Variants in CNBD1 observed in about 807,000 individuals in gnomAD.
CNBD1 encodes cyclic nucleotide-binding domain-containing protein 1.
In CNBD1, 71 loss-of-function variants were observed where a neutral mutation model predicts 54.4. The observed-to-expected ratio is 1.30, with a 90% CI of 1.08 to 1.59. The LOEUF (loss-of-function observed/expected upper bound fraction) is 1.59. Among genes scored for constraint, CNBD1 ranks in the 40% most tolerant of loss-of-function variants. The probability of loss-of-function intolerance (pLI) is 0.00; values close to 1 mark genes in which losing one functional copy is unlikely to be tolerated. For missense variants in CNBD1, 659 were observed against 518.0 expected (o/e 1.27, Z -2.64); for synonymous variants, 182 against 170.7 (o/e 1.07, Z -0.51).
intron 4 of CNBD1, among the ~76,000 whole-genome samples, chr8:87,054,463 ATCTCCCTG>A (rs1005764491): frequency 2.2e-4 from 33 of 152,218 alleles, no homozygotes; most frequent in African/African-American, 8.0e-4. Context: ...AAGTCTTGGA[ATCTCCCTG>A]TTTCAAGAAA....
At chr8:87,256,835 T>C (rs1808034367) in intron 6 of CNBD1, among the ~76,000 whole-genome samples, 1 of 151,470 alleles carries the variant, frequency 6.6e-6, no homozygotes, top group Non-Finnish European at 1.5e-5. Context: ...AGTTGTGAGA[T>C]TATGAATCCA....
At chr8:87,307,762 A>G (rs138696524) in intron 8 of CNBD1, among the ~76,000 whole-genome samples, 1,806 of 149,482 alleles carry the variant, frequency 0.012, 77 homozygotes, top group African/African-American at 0.04. Flanking sequence ...ATATATATAT[A>G]TATAACTTAG....
chr8:87,041,400 C>T (rs897679453), intron 4 of CNBD1, among the ~76,000 whole-genome samples: 6 of 152,044 alleles, frequency 3.9e-5, no homozygotes, highest in Admixed American at 3.9e-4. Flanking sequence ...GTTATTTGCA[C>T]AAAAGCAACC....
At chr8:87,381,167 A>G (rs1394679292) in intron 10 of CNBD1, among the ~76,000 whole-genome samples, 1 of 152,068 alleles carries the variant, frequency 6.6e-6, no homozygotes, top group Non-Finnish European at 1.5e-5. Flanking sequence ...AAAATATATA[A>G]GACAATATTC....
chr8:87,395,081 A>G lies in CNBD1; in HGVS notation c.214-33465A>G, dbSNP rs185988385. Among the ~76,000 whole-genome samples, 590 of 152,072 alleles carry G rather than the reference A, an allele frequency of 3.9e-3. 8 individuals carry two copies. Among genetic ancestry groups the G allele is most frequent in the African/African-American group, 0.013 (558 of 41,554 alleles). On this transcript the variant is annotated intron_variant, in intron 2 of 7. Transcript: ENST00000521593. ...TTTTTTTTACTCAAAATACAATAAC[A>G]TAAAGTTAAATGTATGCTTTGAACT... is the stretch of plus-strand genomic sequence containing the variant.
intron 2 of CNBD1, among the ~76,000 whole-genome samples, chr8:87,419,842 G>T (rs1807898395): frequency 6.6e-6 from 1 of 151,492 alleles, no homozygotes; most frequent in Non-Finnish European, 1.5e-5. Context: ...GGACAAGAGA[G>T]AAAATGGTCC....
intron 6 of CNBD1, among the ~76,000 whole-genome samples, chr8:87,281,812 C>T (rs1808607635): frequency 6.6e-6 from 1 of 150,748 alleles, no homozygotes; most frequent in Admixed American, 6.6e-5. Context: ...TCTCCCTAAT[C>T]CTATAGGTTA....
chr8:87,307,030 A>G (rs1277146380), intron 8 of CNBD1, among the ~76,000 whole-genome samples: 1 of 152,222 alleles, frequency 6.6e-6, no homozygotes, highest in Non-Finnish European at 1.5e-5. Flanking sequence ...ATAGGAAAAA[A>G]TAAAATAATC....
chr8:87,315,539 G>T (rs375912204), intron 8 of CNBD1, among the ~76,000 whole-genome samples: 4 of 152,020 alleles, frequency 2.6e-5, no homozygotes. Context: ...CAAAAGAATA[G>T]GAAGGTGCCA....
intron 10 of CNBD1, among the ~76,000 whole-genome samples, chr8:87,371,415 T>G (rs1208030603): frequency 3.3e-5 from 5 of 152,078 alleles, no homozygotes; most frequent in African/African-American, 1.2e-4. Context: ...GAGCAGTGGT[T>G]TGTAATTCTC....
chr8:87,411,516 A>G (rs1265337961), intron 2 of CNBD1, among the ~76,000 whole-genome samples: 5 of 149,480 alleles, frequency 3.3e-5, no homozygotes, highest in Non-Finnish European at 7.4e-5. Flanking sequence ...TATCCAACCA[A>G]TTAAGCCATT....
chr8:87,279,949 C>A (rs1240261696), intron 6 of CNBD1, among the ~76,000 whole-genome samples: 2 of 151,480 alleles, frequency 1.3e-5, no homozygotes, highest in East Asian at 3.9e-4. Flanking sequence ...TTAGAAAGTG[C>A]ATATTCATAT....
intron 4 of CNBD1, among the ~76,000 whole-genome samples, chr8:87,082,727 A>G (rs1811022045): frequency 1.3e-5 from 2 of 152,112 alleles, no homozygotes; most frequent in African/African-American, 4.8e-5. Flanking sequence ...TAGACCATAT[A>G]CATTTAATGT....
At position 87,286,627 on chromosome 8, in the gene CNBD1, A is replaced by T. The variant is rs765621070; in HGVS notation, c.998A>T (p.Glu333Val). Reference sequence around the variant, plus strand: ...GAATGGCCTACTTTATCCATATATGAGCTAATTGCACTCCTTAAATGGAAA... The same window carrying T: ...GAATGGCCTACTTTATCCATATATGTGCTAATTGCACTCCTTAAATGGAAA... Reference protein sequence around the residue: ...YEEWPTLSIYELIALLKWKKF... With the variant: ...YEEWPTLSIYVLIALLKWKKF... The change falls in exon 8 of 11, where the codon GAG becomes GTG. Residue 333 changes from glutamate (E) to valine (V), a missense_variant. By Grantham distance (121) the Glu-to-Val change is moderately radical (BLOSUM62 -2). Coordinates refer to ENST00000518476, the MANE Select transcript of CNBD1 (RefSeq NM_173538.3). The T allele has an allele frequency of 5.2e-6, 8 of 1,531,732 alleles. No homozygotes were observed. In the South Asian group the frequency reaches 7.2e-5, roughly 14 times the overall value. The allele number at this position is 1,531,732 out of a possible 1,614,324, so 94.9% of individuals were successfully genotyped here. A position where few individuals can be genotyped will look rare whatever the true frequency, so the allele number is the denominator to read the frequency against.
At chr8:87,305,262 A>G (rs1809117337) in intron 8 of CNBD1, among the ~76,000 whole-genome samples, 1 of 152,192 alleles carries the variant, frequency 6.6e-6, no homozygotes. Flanking sequence ...AATAGGTGAC[A>G]TGAACAAATG....
chr8:86,990,607 T>C (rs1313800236), intron 4 of CNBD1, among the ~76,000 whole-genome samples: 1 of 152,202 alleles, frequency 6.6e-6, no homozygotes, highest in African/African-American at 2.4e-5. Flanking sequence ...TGTAGTATAA[T>C]TTGAAGTCAG....
chr8:87,117,132 C>T (rs1386528055), intron 4 of CNBD1, among the ~76,000 whole-genome samples: 1 of 152,100 alleles, frequency 6.6e-6, no homozygotes, highest in Non-Finnish European at 1.5e-5. Context: ...GGTGTGGTGG[C>T]TCACGCCTGT....
intron 8 of CNBD1, among the ~76,000 whole-genome samples, chr8:87,329,549 A>G (rs901248287): frequency 1.3e-5 from 2 of 152,108 alleles, no homozygotes; most frequent in African/African-American, 2.4e-5. Flanking sequence ...ATATCTCTCC[A>G]GTTATATAGT....
intron 8 of CNBD1, among the ~76,000 whole-genome samples, chr8:87,322,625 T>C (rs898149882): frequency 1.0e-5 from 1 of 95,276 alleles, no homozygotes; most frequent in African/African-American, 4.1e-5. Context: ...TCTGTTCATG[T>C]CCTTCGCCCA....
Sources: gnomAD v4.1 joint callset for allele counts (sites outside exome capture counted in the v4.1 genomes callset) on GRCh38, gnomAD v4.1.1 for gene constraint, MANE v1.5 for transcripts, NCBI Gene and HGNC (gene_info 2026-07-23, HGNC 2026-07-21) for gene names.